The following MARF1 variants were observed in gnomAD, a reference collection of about 807,000 sequenced individuals.
MARF1 encodes limkain-b1.
Under a neutral mutation model 168.2 loss-of-function variants are expected in MARF1, and 24 were observed. The ratio of observed to expected loss-of-function variants is 0.14; its 90% CI spans 0.10 to 0.20. The LOEUF is 0.20. Among genes scored for constraint, MARF1 ranks in the 10% least tolerant of loss-of-function variants. The pLI is 1.00. For synonymous variants in MARF1, 868 were observed against 822.4 expected (o/e 1.06, Z -0.95); for missense variants, 1,744 against 2,143.6 (o/e 0.81, Z 3.68).
Position 15,617,374 on chromosome 16 carries a change from C to T in MARF1, c.2882G>A (p.Cys961Tyr). 1 of 1,614,168 alleles carries T rather than the reference C, an allele frequency of 6.2e-7. No individual in the cohort carries two copies. The highest frequency in any genetic ancestry group is 8.5e-7 in the Non-Finnish European group (1 of 1,180,048). ...TAACTCTTCAAATATAATTGGGCTGCAATTCGTGGAGGAGCCGTCGTGTGA... is the reference window on the plus strand; with the variant it reads ...TAACTCTTCAAATATAATTGGGCTGTAATTCGTGGAGGAGCCGTCGTGTGA... Reference protein sequence around the residue: ...SQSHDGSSTNCSPIIFEELEY... With the variant: ...SQSHDGSSTNYSPIIFEELEY... Residue 961 changes from cysteine (C) to tyrosine (Y), a missense_variant, in exon 14 of 27, where the codon TGC becomes TAC. Transcript: ENST00000396368.
chr16:15,626,474 G>C (rs1469948402), intron 7 of MARF1, among the ~76,000 whole-genome samples: 1 of 152,142 alleles, frequency 6.6e-6, no homozygotes, highest in African/African-American at 2.4e-5. Context: ...GGTCAGTCCT[G>C]GTTGGTTTTT....
chr16:15,642,146 T>G (rs925489154), intron 1 of MARF1, among the ~76,000 whole-genome samples: 4 of 152,112 alleles, frequency 2.6e-5, no homozygotes, highest in Non-Finnish European at 5.9e-5. Flanking sequence ...ACGGGGAACA[T>G]TTAGCAAATG....
intron 26 of MARF1, 59 bp from the exon 27 acceptor site, chr16:15,596,996 T>C (rs1221970338): frequency 6.6e-7 from 1 of 1,511,288 alleles, no homozygotes; most frequent in Non-Finnish European, 8.9e-7. Context: ...GTGTGGGTTT[T>C]CTCTTCCTTG....
chr16:15,635,790 C>T lies in MARF1; in HGVS notation c.697G>A (p.Ala233Thr), dbSNP rs1247704259. 1.9e-6 allele frequency: 3 copies of T among 1,614,084 alleles called. No individual in the cohort carries two copies. The highest frequency in any genetic ancestry group is 1.7e-6 in the Non-Finnish European group (2 of 1,180,048). ...YFPCSDFTSGAPGHLEEHISQ... is the reference protein window; with the variant it reads ...YFPCSDFTSGTPGHLEEHISQ... Reference sequence around the variant, plus strand: ...ATGTGCTCTTCCAAATGCCCTGGAGCCCCGCTTGTGAAATCAGAACAGGGG... The same window carrying T: ...ATGTGCTCTTCCAAATGCCCTGGAGTCCCGCTTGTGAAATCAGAACAGGGG... The change falls in exon 3 of 27, where the codon GCT (alanine) becomes ACT (threonine). Residue 233 changes from alanine to threonine, a missense_variant. By Grantham distance (58) the Ala-to-Thr change is moderately conservative. Coordinates refer to ENST00000396368, the MANE Select transcript of MARF1 (RefSeq NM_014647.4).
intron 23 of MARF1, 58 bp from the exon 24 acceptor site, chr16:15,600,759 A>G (rs1404138059): frequency 6.4e-7 from 1 of 1,574,650 alleles, no homozygotes; most frequent in Non-Finnish European, 8.7e-7. Flanking sequence ...AGAAGCCCTA[A>G]CATTCAGGAA....
At chr16:15,619,599 T>C (rs1406661855) in intron 13 of MARF1, among the ~76,000 whole-genome samples, 16 of 152,204 alleles carry the variant, frequency 1.1e-4, no homozygotes, top group African/African-American at 3.9e-4. Flanking sequence ...CTCTGTGTTC[T>C]CAAAGCTTTT....
In MARF1 at chr16:15,615,927, G is replaced by A. The variant is rs1396866230; in HGVS notation, c.3156C>T (p.His1052=). 6.3e-7 allele frequency: 1 copy of A among 1,597,800 alleles called. No individual in the cohort carries two copies. Residue 1052 remains histidine, a synonymous_variant, in exon 16 of 27, where the codon CAC becomes CAT. Transcript: ENST00000396368. ...QENQGGVPLE[H]FITCVPGVNI... The stretch of plus-strand genomic sequence containing the variant: ...TTACACCTGGAACACAGGTAATGAA[G>A]TGTTCTAAGGGAACACCTCCTTGGT...
intron 7 of MARF1, among the ~76,000 whole-genome samples, chr16:15,626,051 A>C (rs2034819225): frequency 6.6e-6 from 1 of 152,184 alleles, no homozygotes; most frequent in African/African-American, 2.4e-5. Context: ...GGATTACCTG[A>C]GCCCAGGAAG....
rs1237998022 is a variant in MARF1 at position 15,615,978 on chromosome 16, A to G, written c.3105T>C (p.Phe1035=). Residue 1035 remains phenylalanine, a synonymous_variant, in exon 16 of 27, where the codon TTT becomes TTC. Transcript: ENST00000396368. Reference sequence around the variant, plus strand: ...TTTCTTGCACTACTTCTAGATCGCCAAACTCTGCAATGTAACAATCTGGAA... The same window carrying G: ...TTTCTTGCACTACTTCTAGATCGCCGAACTCTGCAATGTAACAATCTGGAA... ...LSFPDCYIAE[F]GDLEVVQENQ... 8.4e-6 allele frequency: 13 copies of G among 1,543,456 alleles called. No homozygotes were observed. The highest frequency in any genetic ancestry group is 9.6e-6 in the Non-Finnish European group (11 of 1,142,034).
At position 15,600,790 on chromosome 16, in the gene MARF1, G is replaced by A. The variant is rs892474544; in HGVS notation, c.4627-89C>T. ...AGGAAGAGTGTGACCTACGGAGCCT[G>A]CCTTAGGCTAGAATTTAGGAGCTGA... On this transcript the variant is annotated intron_variant, in intron 23 of 26. Coordinates refer to ENST00000396368, the MANE Select transcript of MARF1 (RefSeq NM_014647.4). The A allele has an allele frequency of 2.5e-5, 34 of 1,359,894 alleles. No homozygotes were observed. The East Asian group carries it at 7.6e-4, about 30-fold the overall frequency. The allele number at this position is 1,359,894 out of a possible 1,614,324, so 84.2% of individuals were successfully genotyped here.
In MARF1 at chr16:15,639,310, ATT is replaced by A. The variant is rs1266475538; in HGVS notation, c.-58-21_-58-20del. 1 of 1,490,764 alleles carries A rather than the reference ATT, an allele frequency of 6.7e-7. No individual in the cohort carries two copies. The highest frequency in any genetic ancestry group is 9.1e-7 in the Non-Finnish European group (1 of 1,102,874). The allele number at this position is 1,490,764 out of a possible 1,614,324, so 92.3% of individuals were successfully genotyped here. On this transcript the variant is annotated intron_variant, in intron 1 of 26. Coordinates refer to ENST00000396368, the MANE Select transcript of MARF1 (RefSeq NM_014647.4). Reference sequence around the variant, plus strand: ...TTCCACCCTGTTAAGAATGAGTAAGATTTCAGTGTTATTTCCTTGCATAAGTA... The same window carrying A: ...TTCCACCCTGTTAAGAATGAGTAAGATCAGTGTTATTTCCTTGCATAAGTA...
chr16:15,599,744 G>A (rs1450439501), intron 25 of MARF1, among the ~76,000 whole-genome samples: 1 of 152,188 alleles, frequency 6.6e-6, no homozygotes, highest in African/African-American at 2.4e-5. Context: ...ATGTGACTCA[G>A]TGTAATTTTG....
At chr16:15,626,961 G>GAAGA (rs1555528252) in intron 7 of MARF1, among the ~76,000 whole-genome samples, 3 of 116,386 alleles carry the variant, frequency 2.6e-5, no homozygotes, top group African/African-American at 9.9e-5. Flanking sequence ...GAGATTCTGT[G>GAAGA]AAAAAAAAAA....
chr16:15,635,964 C>T lies in MARF1; in HGVS notation c.523G>A (p.Asp175Asn). Residue 175 changes from aspartate to asparagine, a missense_variant, in exon 3 of 27, where the codon GAC becomes AAC. Around this residue, in one of 7 missense-constraint regions of MARF1, gnomAD observed 318 missense variants for 336.6 expected, o/e 0.94. Transcript: ENST00000396368. Reference sequence around the variant, plus strand: ...CTCTCTAGACACATGCTGGGAAAGTCACTTGCAATGCCTGCCAAATTGTTC... The same window carrying T: ...CTCTCTAGACACATGCTGGGAAAGTTACTTGCAATGCCTGCCAAATTGTTC... ...ARNNLAGIAS[D>N]FPSMCLESNL... 6.2e-7 allele frequency: 1 copy of T among 1,614,114 alleles called. No homozygotes were observed.
chr16:15,625,102 G>T lies in MARF1; in HGVS notation c.2025C>A (p.Val675=), dbSNP rs745419437. 6.2e-7 allele frequency: 1 copy of T among 1,614,124 alleles called. No individual in the cohort carries two copies. Among genetic ancestry groups the T allele is most frequent in the Admixed American group, 1.7e-5 (1 of 60,016 alleles). ...CACTTGAGTTACCGTGAGTGGGTAC[G>T]ACCAGCCTCAGGTGACCTTGCTGGT... ...SEHQQGHLRL[V]VPTHGNSSAA... The change falls in exon 9 of 27, where the codon GTC becomes GTA. Residue 675 remains valine (V), a synonymous_variant. Coordinates refer to ENST00000396368, the MANE Select transcript of MARF1 (RefSeq NM_014647.4).
intron 22 of MARF1, chr16:15,602,408 C>A: frequency 1.6e-6 from 1 of 606,890 alleles, no homozygotes; most frequent in Non-Finnish European, 2.9e-6. Flanking sequence ...AAGAAGACAA[C>A]AACAAAGAAG....
intron 3 of MARF1, chr16:15,635,402 C>A (rs1024645454): frequency 7.9e-6 from 4 of 503,148 alleles, no homozygotes; most frequent in Non-Finnish European, 1.4e-5. Flanking sequence ...GAAGGCTTTG[C>A]CAACCTCTTG....
chr16:15,633,175 CCACACACACACACA>C (rs140240605), intron 5 of MARF1, among the ~76,000 whole-genome samples: 1 of 136,928 alleles, frequency 7.3e-6, no homozygotes, highest in Non-Finnish European at 1.6e-5. Flanking sequence ...AAAAAAAACA[CCACACACACACACA>C]CACACACACA....
intron 26 of MARF1, among the ~76,000 whole-genome samples, chr16:15,598,198 G>T (rs952732772): frequency 1.6e-4 from 25 of 152,198 alleles, no homozygotes; most frequent in Admixed American, 3.3e-4. Flanking sequence ...TAGCCCAGCA[G>T]CCCGGGGCCA....
Sources: allele counts gnomAD v4.1 joint callset (sites outside exome capture counted in the v4.1 genomes callset), GRCh38; gene constraint gnomAD v4.1.1; regional missense constraint gnomAD v4.1.1; transcripts MANE v1.5; gene names NCBI Gene and HGNC (gene_info 2026-07-23, HGNC 2026-07-21).